ATP8B4: variants seen among roughly 807,000 people sequenced by gnomAD.
ATP8B4 encodes probable phospholipid-transporting ATPase IM.
A neutral mutation model predicts 145.6 loss-of-function variants in ATP8B4; 133 were observed. The ratio of observed to expected loss-of-function variants is 0.91; its 90% CI spans 0.79 to 1.05. ATP8B4 has a LOEUF of 1.05. Among genes scored for constraint, ATP8B4 ranks in the 50% least tolerant of loss-of-function variants. The pLI is 0.00. For synonymous variants in ATP8B4, 507 were observed against 492.9 expected, an observed-to-expected ratio of 1.03 and a Z score of -0.38; for missense variants, 1,458 against 1,425.2, an observed-to-expected ratio of 1.02 and a Z score of -0.37.
upstream of ATP8B4, among the ~76,000 whole-genome samples, chr15:50,119,907 G>A (rs1220576612): frequency 6.6e-6 from 1 of 152,012 alleles, no homozygotes; most frequent in African/African-American, 2.4e-5. Context: ...CATTAACCCT[G>A]ATGGTACCAA....
intron 13 of ATP8B4, among the ~76,000 whole-genome samples, chr15:49,972,290 C>T (rs34032545): frequency 0.13 from 19,394 of 152,018 alleles, 1,646 homozygotes; most frequent in East Asian, 0.34. Flanking sequence ...TAAAGAATCA[C>T]ACAGAGCACT....
intron 23 of ATP8B4, among the ~76,000 whole-genome samples, chr15:49,890,419 G>A (rs964141332): frequency 2.0e-5 from 3 of 152,174 alleles, no homozygotes; most frequent in Non-Finnish European, 4.4e-5. Flanking sequence ...GTTTAGGAGA[G>A]GGGTGGCAGG....
rs1600110905 is a variant in ATP8B4, at chr15:50,056,352, G to C, written c.88-8888C>G. Among the ~76,000 whole-genome samples, 5 of 152,334 alleles carry C rather than the reference G, an allele frequency of 3.3e-5. No individual in the cohort carries two copies. The Middle Eastern group carries it at 0.014, about 415-fold the overall frequency. On this transcript the variant is annotated intron_variant, in intron 3 of 27. Coordinates refer to ENST00000284509, the MANE Select transcript of ATP8B4 (RefSeq NM_024837.4). ...AGTTTGTATGTTAGTTGTGGAGAGA[G>C]AGGCAGGAACAAGCAGACAATAAAC...
intron 9 of ATP8B4, among the ~76,000 whole-genome samples, chr15:49,992,478 C>T (rs780513584): frequency 1.1e-4 from 16 of 152,086 alleles, no homozygotes; most frequent in Admixed American, 2.6e-4. Flanking sequence ...AATAAGTCCA[C>T]CAGAAAGACA....
intron 16 of ATP8B4, among the ~76,000 whole-genome samples, chr15:49,926,685 G>A (rs1041196491): frequency 6.6e-6 from 1 of 152,096 alleles, no homozygotes; most frequent in Non-Finnish European, 1.5e-5. Context: ...GAAGGCCCTG[G>A]AACATATGGG....
intron 5 of ATP8B4, among the ~76,000 whole-genome samples, chr15:50,043,544 G>A (rs1467750017): frequency 6.6e-6 from 1 of 152,050 alleles, no homozygotes; most frequent in Non-Finnish European, 1.5e-5. Flanking sequence ...ACATGAAGAT[G>A]ACAAGAATGA....
chr15:50,081,769 C>T (rs552809426), intron 2 of ATP8B4, among the ~76,000 whole-genome samples: 30 of 152,310 alleles, frequency 2.0e-4, no homozygotes, highest in African/African-American at 6.5e-4. Context: ...AAGTATGAAT[C>T]CCTAATTAAC....
At chr15:49,903,394 G>T (rs1167746913) in intron 20 of ATP8B4, among the ~76,000 whole-genome samples, 1 of 152,150 alleles carries the variant, frequency 6.6e-6, no homozygotes, top group Non-Finnish European at 1.5e-5. Context: ...GTAATGAAGG[G>T]CAGTTTATTA....
Position 49,860,051 on chromosome 15 carries a change from G to T in ATP8B4, c.*143C>A. 1.1e-5 allele frequency: 11 copies of T among 982,396 alleles called. No homozygotes were observed. Among genetic ancestry groups the T allele is most frequent in the Non-Finnish European group, 1.6e-5 (11 of 668,714 alleles). The allele number at this position is 982,396 out of a possible 1,614,324, so 60.9% of individuals were successfully genotyped here. A position where few individuals can be genotyped will look rare whatever the true frequency, so the allele number is the denominator to read the frequency against. ...CGCACACTCCTGTTTGATGGGCACT[G>T]GCAGTTGTCTGCCGCAGATTTAAGT... On this transcript the variant is annotated 3_prime_UTR_variant, in exon 28 of 28. Transcript: ENST00000284509.
chr15:50,090,032 A>G (rs1007587078), intron 2 of ATP8B4, among the ~76,000 whole-genome samples: 2 of 152,212 alleles, frequency 1.3e-5, no homozygotes, highest in Non-Finnish European at 2.9e-5. Flanking sequence ...CTATGCAGCC[A>G]TAAAAAGGAA....
intron 1 of ATP8B4, among the ~76,000 whole-genome samples, chr15:50,126,390 C>T (rs12906611): frequency 0.17 from 25,255 of 152,112 alleles, 2,724 homozygotes; most frequent in Middle Eastern, 0.25. Flanking sequence ...ACTGAACAGA[C>T]CCAGGAAATG....
At chr15:50,114,596 T>G (rs2057107312) in intron 1 of ATP8B4, 1 of 152,436 alleles carries the variant, frequency 6.6e-6, no homozygotes, top group Non-Finnish European at 1.5e-5. Flanking sequence ...CCACCAGTGC[T>G]GGCGTTAGGC....
chr15:50,069,147 C>T (rs2053567669), intron 3 of ATP8B4, among the ~76,000 whole-genome samples: 2 of 152,182 alleles, frequency 1.3e-5, no homozygotes, highest in Admixed American at 1.3e-4. Flanking sequence ...GGCTCACTTT[C>T]CCTCCACTCT....
intron 2 of ATP8B4, among the ~76,000 whole-genome samples, chr15:50,100,938 T>C (rs1168039223): frequency 6.6e-6 from 1 of 152,128 alleles, no homozygotes. Context: ...AAAAAACAAT[T>C]ATGTACACAG....
chr15:49,895,718 G>T lies in ATP8B4; in HGVS notation c.2697+1574C>A, dbSNP rs376929149. On this transcript the variant is annotated intron_variant, in intron 23 of 27. Coordinates refer to ENST00000284509, the MANE Select transcript of ATP8B4 (RefSeq NM_024837.4). The stretch of plus-strand genomic sequence containing the variant: ...AAAAATTCTAGTTGCTTAATATCTG[G>T]CTCTGACCGATTTTTATCAGAACCC... The T allele has an allele frequency of 2.0e-5, 3 of 152,254 alleles. No individual in the cohort carries two copies. The East Asian group carries it at 5.8e-4, about 29-fold the overall frequency. 9.4% of individuals were successfully genotyped at this position (152,254 alleles called of 1,614,324 possible). A position where few individuals can be genotyped will look rare whatever the true frequency, so the allele number is the denominator to read the frequency against.
chr15:50,163,071 T>C (rs1436574599), intron 1 of ATP8B4, among the ~76,000 whole-genome samples: 2 of 152,242 alleles, frequency 1.3e-5, no homozygotes, highest in Non-Finnish European at 2.9e-5. Context: ...AGTTATTTTG[T>C]CTTTTCTGTC....
At chr15:50,069,416 C>G (rs978323442) in intron 3 of ATP8B4, among the ~76,000 whole-genome samples, 3 of 152,138 alleles carry the variant, frequency 2.0e-5, no homozygotes, top group Non-Finnish European at 4.4e-5. Flanking sequence ...ATTGAAGTAT[C>G]TTCTGCCAGC....
At chr15:50,017,991 C>CTTTT (rs35825862) in intron 6 of ATP8B4, among the ~76,000 whole-genome samples, 1 of 140,298 alleles carries the variant, frequency 7.1e-6, no homozygotes. Context: ...CTTTTTTTTT[C>CTTTT]TTTTTTTTTT....
intron 6 of ATP8B4, among the ~76,000 whole-genome samples, chr15:50,028,255 T>TCTTTTC (rs1158674872): frequency 6.6e-6 from 1 of 152,246 alleles, no homozygotes; most frequent in Non-Finnish European, 1.5e-5. Context: ...TCTGCCTCTA[T>TCTTTTC]CTTTTCCTTT....
Sources: allele counts gnomAD v4.1 joint callset (sites outside exome capture counted in the v4.1 genomes callset), GRCh38; gene constraint gnomAD v4.1.1; transcripts MANE v1.5; gene names NCBI Gene and HGNC (gene_info 2026-07-23, HGNC 2026-07-21).